Variants in PTPN14 observed in about 807,000 individuals in gnomAD.
The protein encoded by PTPN14 is tyrosine-protein phosphatase non-receptor type 14.
In PTPN14, 53 loss-of-function variants were observed where a neutral mutation model predicts 126.8. That is an observed-to-expected ratio of 0.42 (90% CI 0.34 to 0.53). The LOEUF is 0.53. Among genes scored for constraint, PTPN14 ranks in the 20% least tolerant of loss-of-function variants. The pLI is 0.08. For synonymous variants in PTPN14, 630 were observed against 599.3 expected (o/e 1.05, Z -0.75); for missense variants, 1,257 against 1,552.9 (o/e 0.81, Z 3.20).
Position 214,383,220 on chromosome 1 carries a change from C to T in PTPN14, c.2544+91G>A. 1.4e-6 allele frequency: 2 copies of T among 1,443,996 alleles called. No homozygotes were observed. Among genetic ancestry groups the T allele is most frequent in the Non-Finnish European group, 1.9e-6 (2 of 1,066,130 alleles). The allele number at this position is 1,443,996 out of a possible 1,614,324, so 89.4% of individuals were successfully genotyped here. On this transcript the variant is annotated intron_variant, in intron 13 of 18. Coordinates refer to ENST00000366956, the MANE Select transcript of PTPN14 (RefSeq NM_005401.5). This position sits in a 1 kb window ranked among gnomAD's most constrained non-coding sequence, Gnocchi z 4.4. ...TGCTCAATGATTCCTTAAAAACCTACCACGTTCCCTGCATAAGCCCTGCCC... is the reference window on the plus strand; with the variant it reads ...TGCTCAATGATTCCTTAAAAACCTATCACGTTCCCTGCATAAGCCCTGCCC...
At chr1:214,502,163 G>A (rs960522449) in intron 1 of PTPN14, among the ~76,000 whole-genome samples, 1 of 151,974 alleles carries the variant, frequency 6.6e-6, no homozygotes, top group African/African-American at 2.4e-5. Flanking sequence ...CTGAATTTGG[G>A]AGCTCTCATA....
chr1:214,519,920 G>A lies in PTPN14; in HGVS notation c.-155+31263C>T, dbSNP rs948081687. The stretch of plus-strand genomic sequence containing the variant: ...AAATTAGCTGGGCATGGTGGCTAGC[G>A]CCTATAGTACCAGCTACTTGGGAGG... On this transcript the variant is annotated intron_variant, in intron 1 of 18. Coordinates refer to ENST00000366956, the MANE Select transcript of PTPN14 (RefSeq NM_005401.5). Among the ~76,000 whole-genome samples, 10 of 151,318 alleles carry A rather than the reference G, an allele frequency of 6.6e-5. No individual in the cohort carries two copies. The East Asian group carries it at 7.8e-4, about 12-fold the overall frequency.
chr1:214,459,241 C>G (rs1246784950), intron 2 of PTPN14, among the ~76,000 whole-genome samples: 2 of 151,670 alleles, frequency 1.3e-5, no homozygotes, highest in Non-Finnish European at 2.9e-5. Flanking sequence ...CAACCTCCAC[C>G]TCCCAGATTC....
intron 1 of PTPN14, among the ~76,000 whole-genome samples, chr1:214,542,731 G>A (rs893110390): frequency 8.5e-5 from 13 of 152,186 alleles, no homozygotes; most frequent in African/African-American, 3.1e-4. Context: ...CACAACATTA[G>A]GTGGAAAATG....
At chr1:214,463,263 C>A (rs1558114011) in intron 2 of PTPN14, among the ~76,000 whole-genome samples, 2 of 152,158 alleles carry the variant, frequency 1.3e-5, no homozygotes, top group Non-Finnish European at 2.9e-5. Context: ...TTCCTTTATG[C>A]CCATGCATAC....
chr1:214,477,810 T>C (rs1189667543), intron 1 of PTPN14, among the ~76,000 whole-genome samples: 1 of 152,214 alleles, frequency 6.6e-6, no homozygotes, highest in Non-Finnish European at 1.5e-5. Context: ...CTTAACTATG[T>C]ACAATTTCTA....
At chr1:214,493,587 T>C (rs576543814) in intron 1 of PTPN14, among the ~76,000 whole-genome samples, 5 of 152,300 alleles carry the variant, frequency 3.3e-5, no homozygotes, top group African/African-American at 1.2e-4. Flanking sequence ...TAAAGAGTCA[T>C]CACATTCCAA....
intron 1 of PTPN14, chr1:214,533,121 T>C (rs1472735481): frequency 5.4e-6 from 4 of 740,014 alleles, no homozygotes; most frequent in Non-Finnish European, 9.7e-6. Context: ...CCATGAAAAA[T>C]CTGAAGGCCA....
chr1:214,389,272 G>A (rs1277624958), intron 11 of PTPN14, among the ~76,000 whole-genome samples: 1 of 152,180 alleles, frequency 6.6e-6, no homozygotes, highest in Non-Finnish European at 1.5e-5. Flanking sequence ...TTTATGAACT[G>A]ACATAAATGA....
intron 1 of PTPN14, among the ~76,000 whole-genome samples, chr1:214,510,825 T>G (rs1166524006): frequency 6.6e-6 from 1 of 152,224 alleles, no homozygotes; most frequent in African/African-American, 2.4e-5. Flanking sequence ...CTCCAAGATC[T>G]GGCTTAAAGC....
intron 1 of PTPN14, among the ~76,000 whole-genome samples, chr1:214,522,756 A>T (rs1436652811): frequency 6.6e-6 from 1 of 152,238 alleles, no homozygotes; most frequent in Admixed American, 6.5e-5. Context: ...TAAAGACCGC[A>T]AGCAGTAAAA....
intron 1 of PTPN14, among the ~76,000 whole-genome samples, chr1:214,490,911 A>AGGGGAGGGGAGGGACG (rs1387859168): frequency 6.1e-5 from 1 of 16,264 alleles, no homozygotes; most frequent in South Asian, 2.4e-3. Context: ...AGGGGAAGGA[A>AGGGGAGGGGAGGGACG]GGGAAGGAAA....
Position 214,356,759 on chromosome 1 carries a change from T to C in PTPN14, c.*1163A>G, listed in dbSNP as rs970266345. Reference sequence around the variant, plus strand: ...CTTGCAGACCAAAGCCTGAAGATGATATCAGCACAGCGGGGGTCACATTTG... The same window carrying C: ...CTTGCAGACCAAAGCCTGAAGATGACATCAGCACAGCGGGGGTCACATTTG... On this transcript the variant is annotated 3_prime_UTR_variant, in exon 19 of 19. Coordinates refer to ENST00000366956, the MANE Select transcript of PTPN14 (RefSeq NM_005401.5). The C allele has an allele frequency of 1.3e-5, 2 of 152,194 alleles. No homozygotes were observed. Among genetic ancestry groups the C allele is most frequent in the African/African-American group, 4.8e-5 (2 of 41,446 alleles). The allele number at this position is 152,194 out of a possible 1,614,324, so 9.4% of individuals were successfully genotyped here.
At chr1:214,394,854 A>G (rs1259302434) in intron 9 of PTPN14, 45 bp downstream of exon 9, 2 of 1,542,368 alleles carry the variant, frequency 1.3e-6, no homozygotes, top group South Asian at 2.2e-5. Context: ...AAAGTCCAAA[A>G]GCCAGTGTCT....
chr1:214,452,441 A>G (rs1572009141), intron 2 of PTPN14, among the ~76,000 whole-genome samples: 1 of 152,236 alleles, frequency 6.6e-6, no homozygotes, highest in Non-Finnish European at 1.5e-5. Flanking sequence ...TCTGCACTGT[A>G]GAATATTTTC....
At chr1:214,497,789 T>C (rs1482205138) in intron 1 of PTPN14, among the ~76,000 whole-genome samples, 2 of 152,148 alleles carry the variant, frequency 1.3e-5, no homozygotes, top group Non-Finnish European at 2.9e-5. Context: ...ATTATGTATA[T>C]ATACATGCAT....
At chr1:214,375,952 A>T (rs1658332831) in intron 15 of PTPN14, among the ~76,000 whole-genome samples, 1 of 152,180 alleles carries the variant, frequency 6.6e-6, no homozygotes, top group Admixed American at 6.5e-5. Flanking sequence ...CCACAGAGAG[A>T]AGGAAAAGTT....
At chr1:214,483,405 C>A (rs1406636043) in intron 1 of PTPN14, 1 of 1,565,814 alleles carries the variant, frequency 6.4e-7, no homozygotes, top group East Asian at 2.2e-5. Context: ...CCAGGCCGAC[C>A]GGGTGGGCAC....
intron 1 of PTPN14, among the ~76,000 whole-genome samples, chr1:214,477,857 C>T (rs187149554): frequency 6.6e-6 from 1 of 152,310 alleles, no homozygotes; most frequent in Admixed American, 6.5e-5. Context: ...AAATACTGTA[C>T]AGAGTAAACC....
Sources: allele counts gnomAD v4.1 joint callset (sites outside exome capture counted in the v4.1 genomes callset), GRCh38; gene constraint gnomAD v4.1.1; non-coding constraint Gnocchi (gnomAD v3.1); transcripts MANE v1.5; gene names NCBI Gene and HGNC (gene_info 2026-07-23, HGNC 2026-07-21).